The following COL23A1 variants were observed in gnomAD, a reference collection of about 807,000 sequenced individuals.
The protein encoded by COL23A1 is collagen type XXIII alpha 1 chain.
A neutral mutation model predicts 99.3 loss-of-function variants in COL23A1; 97 were observed. The observed-to-expected ratio is 0.98, with a 90% CI of 0.83 to 1.16. The LOEUF is 1.16. Ranked by LOEUF, COL23A1 falls within the 50% of genes most tolerant of loss-of-function variation. The pLI is 0.00. For missense variants in COL23A1, 762 were observed against 757.4 expected (o/e 1.01, Z -0.07); for synonymous variants, 320 against 308.2 (o/e 1.04, Z -0.40).
chr5:178,341,048 T>C (rs915998828), intron 2 of COL23A1, among the ~76,000 whole-genome samples: 6 of 152,218 alleles, frequency 3.9e-5, no homozygotes, highest in African/African-American at 1.4e-4. Context: ...TGACCTTTTG[T>C]GGGCCACATG....
intron 25 of COL23A1, among the ~76,000 whole-genome samples, chr5:178,245,586 T>C (rs2913853): frequency 2.1e-4 from 26 of 124,448 alleles, no homozygotes; most frequent in African/African-American, 6.8e-4. Context: ...ATCCATTCAT[T>C]CATCCATCCA....
chr5:178,353,226 A>C (rs1761427511), intron 2 of COL23A1, among the ~76,000 whole-genome samples: 1 of 151,850 alleles, frequency 6.6e-6, no homozygotes, highest in Admixed American at 6.6e-5. Flanking sequence ...GCCTTTAAAA[A>C]GAATGGAGCA....
At chr5:178,247,963 T>C (rs1764803212) in intron 20 of COL23A1, 132 bp from the exon 21 acceptor site, 1 of 834,206 alleles carries the variant, frequency 1.2e-6, no homozygotes, top group South Asian at 1.8e-5. Context: ...GGTGAGCAGG[T>C]GGCAGCTGGT....
intron 2 of COL23A1, among the ~76,000 whole-genome samples, chr5:178,368,223 G>T (rs1320456743): frequency 6.6e-6 from 1 of 152,166 alleles, no homozygotes; most frequent in African/African-American, 2.4e-5. Flanking sequence ...TAGGACATGG[G>T]TTAAGGGGGA....
At chr5:178,429,503 T>TGTC (rs941332065) in intron 2 of COL23A1, among the ~76,000 whole-genome samples, 2 of 152,230 alleles carry the variant, frequency 1.3e-5, no homozygotes, top group African/African-American at 4.8e-5. Context: ...ATAGCTGCAG[T>TGTC]GTCGCATGCT....
chr5:178,268,191 C>A (rs773967263), intron 7 of COL23A1, among the ~76,000 whole-genome samples: 4 of 152,234 alleles, frequency 2.6e-5, no homozygotes, highest in Non-Finnish European at 2.9e-5. Context: ...CCCTGGCACA[C>A]CTAGGCCTAC....
chr5:178,371,108 C>T (rs1581250037), intron 2 of COL23A1, among the ~76,000 whole-genome samples: 1 of 152,188 alleles, frequency 6.6e-6, no homozygotes, highest in Middle Eastern at 3.4e-3. Context: ...GCCATGTAGA[C>T]ATGTATCAGA....
chr5:178,567,728 A>C (rs1272672372), intron 1 of COL23A1, among the ~76,000 whole-genome samples: 1 of 152,234 alleles, frequency 6.6e-6, no homozygotes, highest in Non-Finnish European at 1.5e-5. Context: ...GAAAGAGCTT[A>C]GAATGGCCAA....
In COL23A1 at chr5:178,464,091, G is replaced by T. The variant is rs548564950; in HGVS notation, c.361+96591C>A. 3.9e-5 allele frequency among the ~76,000 whole-genome samples: 6 copies of T among 152,262 alleles called. No individual in the cohort carries two copies. The South Asian group carries it at 1.2e-3, about 32-fold the overall frequency. On this transcript the variant is annotated intron_variant, in intron 2 of 28. Transcript: ENST00000390654. ...ACACAAAATGTACCATCTTAACTACGTTTAAGCGTACAGCTCAGCGGCATT... is the reference window on the plus strand; with the variant it reads ...ACACAAAATGTACCATCTTAACTACTTTTAAGCGTACAGCTCAGCGGCATT...
At chr5:178,254,792 A>T (rs1480441487) in intron 16 of COL23A1, among the ~76,000 whole-genome samples, 157 bp downstream of exon 16, 1 of 152,090 alleles carries the variant, frequency 6.6e-6, no homozygotes, top group African/African-American at 2.4e-5. Flanking sequence ...CATAGCCCTG[A>T]TTTCCACATT....
chr5:178,288,397 C>T, intron 4 of COL23A1, 47 bp from the exon 5 acceptor site: 1 of 1,523,700 alleles, frequency 6.6e-7, no homozygotes, highest in Non-Finnish European at 9.1e-7. Flanking sequence ...CGGCAGAAAC[C>T]ATATGGCAAC....
chr5:178,572,588 C>A (rs1763162423), intron 1 of COL23A1, among the ~76,000 whole-genome samples: 1 of 152,178 alleles, frequency 6.6e-6, no homozygotes, highest in Admixed American at 6.5e-5. Flanking sequence ...TGGTGGGAAT[C>A]TGAAATGATG....
chr5:178,575,911 G>A lies in COL23A1; in HGVS notation c.294+13993C>T, dbSNP rs78705096. The stretch of plus-strand genomic sequence containing the variant: ...TACACCAGGTGTTCGGAATATGACC[G>A]TAGCCACAACTACTTCACAATCTTC... On this transcript the variant is annotated intron_variant, in intron 1 of 28. Transcript: ENST00000390654. Among the ~76,000 whole-genome samples the A allele has an allele frequency of 1.2e-4, 19 of 152,336 alleles. No individual in the cohort carries two copies. In the East Asian group the frequency reaches 3.7e-3, roughly 29 times the overall value.
intron 2 of COL23A1, among the ~76,000 whole-genome samples, chr5:178,420,312 A>G (rs1219242337): frequency 6.6e-6 from 1 of 151,870 alleles, no homozygotes; most frequent in African/African-American, 2.4e-5. Flanking sequence ...AGCACAGGCC[A>G]TATGGGACAG....
intron 2 of COL23A1, among the ~76,000 whole-genome samples, chr5:178,448,185 C>T (rs1022195074): frequency 1.1e-4 from 13 of 116,610 alleles, no homozygotes; most frequent in Non-Finnish European, 1.1e-4. Flanking sequence ...CCGTTTTGTT[C>T]TGTTAGTGCT....
intron 2 of COL23A1, among the ~76,000 whole-genome samples, chr5:178,438,404 A>C (rs1376811617): frequency 1.3e-5 from 2 of 152,234 alleles, no homozygotes; most frequent in Non-Finnish European, 2.9e-5. Context: ...AGAAAAGTAA[A>C]CATAAGTGAG....
chr5:178,421,936 G>T lies in COL23A1; in HGVS notation c.362-115017C>A, dbSNP rs375941476. Among the ~76,000 whole-genome samples the T allele has an allele frequency of 3.3e-5, 5 of 152,128 alleles. No individual in the cohort carries two copies. In the East Asian group the frequency reaches 9.7e-4, roughly 29 times the overall value. ...GGTGCTTGTGAGGTGAAGAACGCCG[G>T]GGGGTGGAGTGAATATGGGCGGGGC... On this transcript the variant is annotated intron_variant, in intron 2 of 28. Transcript: ENST00000390654.
At chr5:178,278,573 C>T (rs904961098) in intron 5 of COL23A1, among the ~76,000 whole-genome samples, 19 of 152,132 alleles carry the variant, frequency 1.2e-4, no homozygotes, top group Non-Finnish European at 2.2e-4. Flanking sequence ...TCTCACTTGC[C>T]GGCGGCTGCA....
rs145388214 is a variant in COL23A1, at chr5:178,291,676, C to A, written c.407-1307G>T. Among the ~76,000 whole-genome samples, 257 of 151,948 alleles carry A rather than the reference C, an allele frequency of 1.7e-3. No homozygotes were observed. In the Middle Eastern group the frequency reaches 0.024, roughly 14 times the overall value. Reference sequence around the variant, plus strand: ...CAGCGAAGGGCTCTGCAAGGAGGAGCGATGGGGAGGGGCAAGAGTGCACCT... The same window carrying A: ...CAGCGAAGGGCTCTGCAAGGAGGAGAGATGGGGAGGGGCAAGAGTGCACCT... On this transcript the variant is annotated intron_variant, in intron 3 of 28. Transcript: ENST00000390654.
Sources: allele counts gnomAD v4.1 joint callset (sites outside exome capture counted in the v4.1 genomes callset), GRCh38; gene constraint gnomAD v4.1.1; transcripts MANE v1.5; gene names NCBI Gene and HGNC (gene_info 2026-07-23, HGNC 2026-07-21).